Variants in EOGT observed in about 807,000 individuals in gnomAD.
The protein encoded by EOGT is EGF domain specific O-linked N-acetylglucosamine transferase, also known as EGF domain-specific O-linked N-acetylglucosamine transferase.
In EOGT, 55 loss-of-function variants were observed where a neutral mutation model predicts 70.5. The observed-to-expected ratio is 0.78, with a 90% CI of 0.63 to 0.98. The LOEUF is 0.98. EOGT is among the 50% of genes least tolerant of loss of function. The pLI is 0.00. For missense variants in EOGT, 703 were observed against 641.9 expected (o/e 1.10, Z -1.03); for synonymous variants, 246 against 217.1 (o/e 1.13, Z -1.17).
intron 5 of EOGT, 72 bp downstream of exon 5, chr3:69,008,356 G>A (rs932282784): frequency 3.0e-5 from 32 of 1,050,636 alleles, no homozygotes; most frequent in Non-Finnish European, 4.5e-5. Flanking sequence ...AATCTAGCTG[G>A]AAATTAGGGC....
At chr3:68,990,069 A>G (rs1357805269) in intron 10 of EOGT, among the ~76,000 whole-genome samples, 1 of 152,152 alleles carries the variant, frequency 6.6e-6, no homozygotes, top group East Asian at 1.9e-4. Flanking sequence ...AACTTTATAT[A>G]ATAATAATAG....
At chr3:68,993,969 G>A (rs1380713395) in intron 10 of EOGT, among the ~76,000 whole-genome samples, 3 of 152,066 alleles carry the variant, frequency 2.0e-5, no homozygotes, top group Admixed American at 2.0e-4. Flanking sequence ...ACAACATGTG[G>A]GAATTCTGGG....
rs2090457200 is a variant in EOGT, at chr3:68,975,771, AT to A, written c.*1846del. 2 of 152,186 alleles carry A rather than the reference AT, an allele frequency of 1.3e-5. No individual in the cohort carries two copies. Among genetic ancestry groups the A allele is most frequent in the Non-Finnish European group, 1.5e-5 (1 of 68,034 alleles). The allele number at this position is 152,186 out of a possible 1,614,324, so 9.4% of individuals were successfully genotyped here. A position where few individuals can be genotyped will look rare whatever the true frequency, so the allele number is the denominator to read the frequency against. On this transcript the variant is annotated 3_prime_UTR_variant, in exon 18 of 18. Transcript: ENST00000383701. The stretch of plus-strand genomic sequence containing the variant: ...GTGATTCACTATTTTCTTTACAGGT[AT>A]TTTAATAAATATTCCTCAATTCTAG...
In EOGT at chr3:68,977,361, C is replaced by T. The variant is rs751303845; in HGVS notation, c.*257G>A. ...AAGAAAGAAAGAAAGTTAAAGTATA[C>T]TGGGGAGTCCATGCTTAATTTTTGA... On this transcript the variant is annotated 3_prime_UTR_variant, in exon 18 of 18. Transcript: ENST00000383701. The T allele has an allele frequency of 8.4e-6, 3 of 357,866 alleles. No individual in the cohort carries two copies. Among genetic ancestry groups the T allele is most frequent in the East Asian group, 6.8e-5 (1 of 14,688 alleles). The allele number at this position is 357,866 out of a possible 1,614,324, so 22.2% of individuals were successfully genotyped here. A position where few individuals can be genotyped will look rare whatever the true frequency, so the allele number is the denominator to read the frequency against.
rs553632310 is a variant in EOGT at position 68,988,912 on chromosome 3, A to C, written c.924+13T>G. ...AGAAATATTCACAGACATTTCAGGA[A>C]AATTTCCAGTACCCTTTTGGAATCA... On this transcript the variant is annotated intron_variant, in intron 11 of 17. Transcript: ENST00000383701. 251 of 1,432,424 alleles carry C rather than the reference A, an allele frequency of 1.8e-4. 2 individuals are homozygous for C. The East Asian group carries it at 5.1e-3, about 29-fold the overall frequency. The allele number at this position is 1,432,424 out of a possible 1,614,324, so 88.7% of individuals were successfully genotyped here. A position where few individuals can be genotyped will look rare whatever the true frequency, so the allele number is the denominator to read the frequency against.
chr3:69,005,691 A>G lies in EOGT; in HGVS notation c.421-457T>C, dbSNP rs1041946757. On this transcript the variant is annotated intron_variant, in intron 6 of 17. Transcript: ENST00000383701. The stretch of plus-strand genomic sequence containing the variant: ...AGTTTTAATAAGAGGTGCTTTCTGC[A>G]AACCGTAAAGCTTGTGGGAGCCTCT... Among the ~76,000 whole-genome samples, 6 of 152,372 alleles carry G rather than the reference A, an allele frequency of 3.9e-5. No individual in the cohort carries two copies. In the East Asian group the frequency reaches 1.2e-3, roughly 29 times the overall value.
intron 10 of EOGT, among the ~76,000 whole-genome samples, chr3:68,995,931 C>T (rs915952856): frequency 1.4e-4 from 22 of 152,122 alleles, no homozygotes; most frequent in African/African-American, 4.3e-4. Context: ...CTCAAGTCCA[C>T]GGGGGTCATA....
intron 7 of EOGT, 81 bp downstream of exon 7, chr3:69,005,057 GTC>G: frequency 2.7e-6 from 2 of 739,424 alleles, no homozygotes. Context: ...GCAAGACCCT[GTC>G]TCAAAAAAAA....
At position 68,977,241 on chromosome 3, in the gene EOGT, G is replaced by A. The variant is rs948684246; in HGVS notation, c.*377C>T. The A allele has an allele frequency of 5.2e-5, 9 of 172,388 alleles. No homozygotes were observed. The highest frequency in any genetic ancestry group is 3.8e-4 in the East Asian group (2 of 5,276). 10.7% of individuals were successfully genotyped at this position (172,388 alleles called of 1,614,324 possible). A position where few individuals can be genotyped will look rare whatever the true frequency, so the allele number is the denominator to read the frequency against. ...GTCAGGTGGCTGAGGCAAAAGAATC[G>A]CTTGAACCTGGGGAGGCAGAAGTTG... On this transcript the variant is annotated 3_prime_UTR_variant, in exon 18 of 18. Transcript: ENST00000383701.
chr3:68,988,595 T>C lies in EOGT; in HGVS notation c.925-18A>G, dbSNP rs1559594393. The C allele has an allele frequency of 1.8e-5, 26 of 1,476,228 alleles. No individual in the cohort carries two copies. The highest frequency in any genetic ancestry group is 2.2e-5 in the Non-Finnish European group (24 of 1,105,876). The allele number at this position is 1,476,228 out of a possible 1,614,324, so 91.4% of individuals were successfully genotyped here. ...AAACATACCTAAGAACAAAGATACA[T>C]TAAAAGAAGATGTAATTTGCACCCT... On this transcript the variant is annotated intron_variant, in intron 11 of 17. Coordinates refer to ENST00000383701, the MANE Select transcript of EOGT (RefSeq NM_001278689.2).
rs185044152 is a variant in EOGT at position 68,975,577 on chromosome 3, T to G, written c.*2041A>C. 1 of 152,738 alleles carries G rather than the reference T, an allele frequency of 6.5e-6. No individual in the cohort carries two copies. Among genetic ancestry groups the G allele is most frequent in the East Asian group, 1.9e-4 (1 of 5,178 alleles). 9.5% of individuals were successfully genotyped at this position (152,738 alleles called of 1,614,324 possible). On this transcript the variant is annotated 3_prime_UTR_variant, in exon 18 of 18. Coordinates refer to ENST00000383701, the MANE Select transcript of EOGT (RefSeq NM_001278689.2). ...TTTTCAGAAGTCAATGCCTTGCTGA[T>G]GCAAAGCGCAACATGCTTTTGTCAT...
rs2091108609 is a variant in EOGT at position 68,995,121 on chromosome 3, C to T, written c.831+2890G>A. Among the ~76,000 whole-genome samples, 3 of 152,306 alleles carry T rather than the reference C, an allele frequency of 2.0e-5. No individual in the cohort carries two copies. The South Asian group carries it at 6.2e-4, about 32-fold the overall frequency. ...AGTCACAGTTACCTCCCTGCTCTTC[C>T]CTGGGCAAACTGCTCATCCAAGACC... On this transcript the variant is annotated intron_variant, in intron 10 of 17. Transcript: ENST00000383701.
Position 68,998,132 on chromosome 3 carries a change from AACT to A in EOGT, c.728-21_728-19del, listed in dbSNP as rs779833387. The stretch of plus-strand genomic sequence containing the variant: ...GTTAACACCTAGTGTTGGAAAATGA[AACT>A]ACATTAATTAACACCAAAGAGCACA... On this transcript the variant is annotated intron_variant, in intron 9 of 17. Transcript: ENST00000383701. 3 of 1,333,734 alleles carry A rather than the reference AACT, an allele frequency of 2.2e-6. No individual in the cohort carries two copies. In the Admixed American group the frequency reaches 5.4e-5, roughly 24 times the overall value. The allele number at this position is 1,333,734 out of a possible 1,614,324, so 82.6% of individuals were successfully genotyped here. A position where few individuals can be genotyped will look rare whatever the true frequency, so the allele number is the denominator to read the frequency against.
chr3:69,002,469 C>T (rs1427343100), intron 8 of EOGT, among the ~76,000 whole-genome samples: 1 of 152,030 alleles, frequency 6.6e-6, no homozygotes, highest in Admixed American at 6.6e-5. Flanking sequence ...CAGAAAGTAC[C>T]AGGAATCAAA....
chr3:69,003,070 C>T (rs980400204), intron 8 of EOGT, among the ~76,000 whole-genome samples: 5 of 152,236 alleles, frequency 3.3e-5, no homozygotes, highest in Non-Finnish European at 5.9e-5. Flanking sequence ...AACAATTCTG[C>T]ATCCTGATTG....
At chr3:68,994,048 T>C (rs1575744330) in intron 10 of EOGT, among the ~76,000 whole-genome samples, 1 of 152,256 alleles carries the variant, frequency 6.6e-6, no homozygotes, top group East Asian at 1.9e-4. Context: ...CTGGGTACCA[T>C]AACGAGATCT....
intron 13 of EOGT, 187 bp from the exon 14 acceptor site, chr3:68,987,700 G>GA (rs1406903967): frequency 1.7e-6 from 1 of 594,496 alleles, no homozygotes; most frequent in African/African-American, 1.9e-5. Flanking sequence ...TTCAACCACC[G>GA]AAGGCAAAAA....
intron 14 of EOGT, among the ~76,000 whole-genome samples, chr3:68,983,621 T>A (rs912843359): frequency 7.2e-5 from 11 of 152,244 alleles, no homozygotes; most frequent in African/African-American, 4.8e-5. Flanking sequence ...TAAATGGTGC[T>A]GGCATTTCTA....
intron 6 of EOGT, among the ~76,000 whole-genome samples, chr3:69,005,893 C>G (rs2091427185): frequency 6.6e-6 from 1 of 152,128 alleles, no homozygotes; most frequent in Non-Finnish European, 1.5e-5. Context: ...TTGTTTTTCC[C>G]AAAACTCCCA....
Sources: allele counts gnomAD v4.1 joint callset (sites outside exome capture counted in the v4.1 genomes callset), GRCh38; gene constraint gnomAD v4.1.1; transcripts MANE v1.5; gene names NCBI Gene and HGNC (gene_info 2026-07-23, HGNC 2026-07-21).